Variants in PLXNC1 observed in about 807,000 individuals in gnomAD.
PLXNC1 encodes plexin C1, also known as plexin-C1.
A neutral mutation model predicts 178.2 loss-of-function variants in PLXNC1; 75 were observed. The observed-to-expected ratio is 0.42, with a 90% confidence interval of 0.35 to 0.51. The LOEUF (loss-of-function observed/expected upper bound fraction) is 0.51, where lower values mean the gene tolerates loss of function less well. PLXNC1 is among the 20% of genes least tolerant of loss of function. PLXNC1 has a pLI of 0.02. For synonymous variants in PLXNC1, 790 were observed against 779.9 expected, an observed-to-expected ratio of 1.01 and a Z score of -0.22; for missense variants, 1,503 against 1,984.4, an observed-to-expected ratio of 0.76 and a Z score of 4.61.
Position 94,240,646 on chromosome 12 carries a change from C to T in PLXNC1, c.2282C>T (p.Pro761Leu), listed in dbSNP as rs1259287615. 2 of 1,612,452 alleles carry T rather than the reference C, an allele frequency of 1.2e-6. No homozygotes were observed. The highest frequency in any genetic ancestry group is 1.7e-6 in the Non-Finnish European group (2 of 1,179,006). ...CTGCCACATTGTTCCCTTATATTTC[C>T]TGCTACCACCTGGATCAGGTACTTT... ...IALPHCSLIF[P>L]ATTWISGGQN... is the part of the protein sequence containing the mutation. Residue 761 changes from proline to leucine, a missense_variant, in exon 11 of 31, where the codon CCT becomes CTT. Around this residue, in one of 4 missense-constraint regions of PLXNC1, gnomAD observed 639 missense variants for 979.7 expected, o/e 0.65. Transcript: ENST00000258526.
intron 2 of PLXNC1, among the ~76,000 whole-genome samples, chr12:94,171,741 G>C (rs1194258586): frequency 6.6e-6 from 1 of 152,182 alleles, no homozygotes; most frequent in Non-Finnish European, 1.5e-5. Flanking sequence ...AGAGGCTCAG[G>C]AAAGAGTCCC....
intron 1 of PLXNC1, among the ~76,000 whole-genome samples, chr12:94,166,878 T>A (rs1170086228): frequency 6.6e-6 from 1 of 152,104 alleles, no homozygotes; most frequent in Non-Finnish European, 1.5e-5. Context: ...GTGATCCACC[T>A]GTCTCAGCCT....
chr12:94,262,947 G>GT (rs1965039504), intron 20 of PLXNC1, among the ~76,000 whole-genome samples: 1 of 152,214 alleles, frequency 6.6e-6, no homozygotes, highest in African/African-American at 2.4e-5. Flanking sequence ...CAGAAGAGCT[G>GT]TGACTCTCCC....
chr12:94,254,944 T>A (rs1475893777), intron 16 of PLXNC1, 56 bp downstream of exon 16: 1 of 1,363,854 alleles, frequency 7.3e-7, no homozygotes, highest in African/African-American at 1.4e-5. Context: ...TATACTTTTA[T>A]TTTTTTACCC....
intron 15 of PLXNC1, chr12:94,254,536 A>C (rs1964787255): frequency 1.1e-5 from 7 of 635,260 alleles, no homozygotes; most frequent in South Asian, 1.1e-4. Flanking sequence ...TCACTTGTAA[A>C]ATGAGTAAGG....
chr12:94,282,321 A>G lies in PLXNC1; in HGVS notation c.3799A>G (p.Lys1267Glu). ...AGAGCTTCAAATGGGCACACGACAG[A>G]AAGAACTTCTGGACATCGACAGTTC... is the stretch of plus-strand genomic sequence containing the variant. ...GLELQMGTRQ[K>E]ELLDIDSSSV... The change falls in exon 23 of 31, where the codon AAA (lysine) becomes GAA (glutamate). Residue 1267 changes from lysine to glutamate, a missense_variant. Around this residue, in one of 4 missense-constraint regions of PLXNC1, gnomAD observed 639 missense variants for 979.7 expected, o/e 0.65. Transcript: ENST00000258526. 1.2e-6 allele frequency: 2 copies of G among 1,613,950 alleles called. No individual in the cohort carries two copies. The highest frequency in any genetic ancestry group is 1.7e-5 in the Admixed American group (1 of 60,026).
At position 94,175,540 on chromosome 12, in the gene PLXNC1, T is replaced by C. The variant is rs916255830; in HGVS notation, c.1204-5906T>C. Among the ~76,000 whole-genome samples, 25 of 152,316 alleles carry C rather than the reference T, an allele frequency of 1.6e-4. 1 individual carries two copies. The highest frequency in any genetic ancestry group is 3.4e-3 in the Middle Eastern group (1 of 294). On this transcript the variant is annotated intron_variant, in intron 2 of 30. Transcript: ENST00000258526. ...CAGCAGTGTAGTTGGGAGTTTTATATGCAACAAAAATCCCAAGGCTCGTTA... is the reference window on the plus strand; with the variant it reads ...CAGCAGTGTAGTTGGGAGTTTTATACGCAACAAAAATCCCAAGGCTCGTTA...
Position 94,243,991 on chromosome 12 carries a change from T to C in PLXNC1, c.2354T>C (p.Leu785Ser). ...MGRNFDVIDN[L>S]IISHELKGNI... ...AGAAATTTTGATGTAATTGACAACT[T>C]AATCATTTCACATGAATTAAAAGGA... Residue 785 changes from leucine (L) to serine (S), a missense_variant, in exon 12 of 31, where the codon TTA (leucine) becomes TCA (serine). Coordinates refer to ENST00000258526, the MANE Select transcript of PLXNC1 (RefSeq NM_005761.3). 6.3e-7 allele frequency: 1 copy of C among 1,596,904 alleles called. No individual in the cohort carries two copies. Among genetic ancestry groups the C allele is most frequent in the Non-Finnish European group, 8.6e-7 (1 of 1,165,770 alleles).
chr12:94,167,743 A>C lies in PLXNC1; in HGVS notation c.1063-1410A>C, dbSNP rs1348894439. Among the ~76,000 whole-genome samples the C allele has an allele frequency of 7.9e-5, 12 of 152,220 alleles. 1 individual carries two copies. The highest frequency in any genetic ancestry group is 7.9e-4 in the Admixed American group (12 of 15,284). On this transcript the variant is annotated intron_variant, in intron 1 of 30. Coordinates refer to ENST00000258526, the MANE Select transcript of PLXNC1 (RefSeq NM_005761.3). The stretch of plus-strand genomic sequence containing the variant: ...TATTGCATGAAAAGTATCTTTCAAC[A>C]AGGGAAAAAGAAACTCTAATGAGCT...
At chr12:94,223,770 C>G (rs140923362) in intron 6 of PLXNC1, among the ~76,000 whole-genome samples, 1 of 152,192 alleles carries the variant, frequency 6.6e-6, no homozygotes, top group Non-Finnish European at 1.5e-5. Flanking sequence ...CCCATGGAAA[C>G]TACACTTTAG....
chr12:94,223,023 A>T (rs1177525654), intron 6 of PLXNC1, among the ~76,000 whole-genome samples: 2 of 152,204 alleles, frequency 1.3e-5, no homozygotes, highest in Non-Finnish European at 2.9e-5. Context: ...GGGTTTTTAG[A>T]CTTTGGGAAC....
intron 6 of PLXNC1, among the ~76,000 whole-genome samples, chr12:94,223,590 G>T (rs1048770069): frequency 1.3e-5 from 2 of 152,234 alleles, no homozygotes; most frequent in Admixed American, 6.5e-5. Context: ...TATGTTTAAA[G>T]AGATACAGGA....
chr12:94,243,425 C>T (rs117013318), intron 11 of PLXNC1, among the ~76,000 whole-genome samples: 2,077 of 152,280 alleles, frequency 0.014, 22 homozygotes, highest in South Asian at 0.038. Flanking sequence ...ATTTATACGG[C>T]GTACCAAATA....
At chr12:94,176,784 T>C (rs1962064605) in intron 2 of PLXNC1, among the ~76,000 whole-genome samples, 1 of 152,030 alleles carries the variant, frequency 6.6e-6, no homozygotes, top group African/African-American at 2.4e-5. Context: ...CTCCCTTTTG[T>C]TGAAACATAA....
intron 21 of PLXNC1, among the ~76,000 whole-genome samples, chr12:94,276,616 C>T (rs1965980325): frequency 6.6e-6 from 1 of 152,206 alleles, no homozygotes; most frequent in Non-Finnish European, 1.5e-5. Context: ...TACTCAGCCC[C>T]TCTGTGCCTC....
intron 2 of PLXNC1, among the ~76,000 whole-genome samples, chr12:94,171,354 TTTG>T (rs1961837128): frequency 6.6e-6 from 1 of 152,104 alleles, no homozygotes. Flanking sequence ...AAGGCAGCTT[TTTG>T]TTGTTTGTTT....
chr12:94,164,657 C>T (rs3894392), intron 1 of PLXNC1, among the ~76,000 whole-genome samples: 105,564 of 149,010 alleles, frequency 0.71, 37,249 homozygotes, highest in East Asian at 0.83. Flanking sequence ...GCCCATGACT[C>T]CCTGCACACA....
At position 94,265,064 on chromosome 12, in the gene PLXNC1, T is replaced by C; in HGVS notation, c.3451-15T>C. The stretch of plus-strand genomic sequence containing the variant: ...TCCACAGAAAGCTAACTGTCACTTT[T>C]GTGTCTTTTCCAAGGAGACTGTCGG... On this transcript the variant is annotated splice_polypyrimidine_tract_variant and intron_variant, in intron 20 of 30. Transcript: ENST00000258526. 1 of 1,613,016 alleles carries C rather than the reference T, an allele frequency of 6.2e-7. No homozygotes were observed. The highest frequency in any genetic ancestry group is 1.7e-5 in the Admixed American group (1 of 59,888).
At chr12:94,231,635 G>A (rs906686452) in intron 9 of PLXNC1, among the ~76,000 whole-genome samples, 2 of 152,168 alleles carry the variant, frequency 1.3e-5, no homozygotes, top group African/African-American at 2.4e-5. Flanking sequence ...AACGTATAGC[G>A]TCATCTGCCA....
Sources: allele counts gnomAD v4.1 joint callset (sites outside exome capture counted in the v4.1 genomes callset), GRCh38; gene constraint gnomAD v4.1.1; regional missense constraint gnomAD v4.1.1; transcripts MANE v1.5; gene names NCBI Gene and HGNC (gene_info 2026-07-23, HGNC 2026-07-21).